NRG3: variants seen among roughly 807,000 people sequenced by gnomAD.
The protein encoded by NRG3 is pro-neuregulin-3, membrane-bound isoform.
NRG3 carries 31 observed loss-of-function variants against 66.9 expected under a neutral mutation model. The ratio of observed to expected loss-of-function variants is 0.46; its 90% CI spans 0.35 to 0.63. The LOEUF is 0.63. Among genes scored for constraint, NRG3 ranks in the 20% least tolerant of loss-of-function variants. The pLI is 0.00. For missense variants in NRG3, 910 were observed against 878.9 expected, an observed-to-expected ratio of 1.04 and a Z score of -0.45; for synonymous variants, 393 against 359.4, an observed-to-expected ratio of 1.09 and a Z score of -1.06.
intron 1 of NRG3, among the ~76,000 whole-genome samples, chr10:82,081,497 C>T (rs1180848091): frequency 6.6e-6 from 1 of 152,088 alleles, no homozygotes; most frequent in Non-Finnish European, 1.5e-5. Flanking sequence ...CAACATGTAG[C>T]AAATGCCAGA....
At chr10:82,853,963 G>A (rs1443588801) in intron 3 of NRG3, among the ~76,000 whole-genome samples, 1 of 152,068 alleles carries the variant, frequency 6.6e-6, no homozygotes. Flanking sequence ...TGACTTCGAG[G>A]TATGTCTCTT....
chr10:82,570,726 C>T (rs944650427), intron 2 of NRG3, among the ~76,000 whole-genome samples: 11 of 151,728 alleles, frequency 7.2e-5, no homozygotes, highest in South Asian at 4.1e-4. Context: ...AATCTTCTCC[C>T]GGAACGTGGT....
intron 3 of NRG3, among the ~76,000 whole-genome samples, chr10:82,755,071 T>A (rs1395837914): frequency 6.6e-6 from 1 of 152,106 alleles, no homozygotes; most frequent in East Asian, 1.9e-4. Context: ...CCTGGGATAG[T>A]GGTCAAGAGT....
chr10:82,120,632 T>C (rs1454604424), intron 1 of NRG3, among the ~76,000 whole-genome samples: 2 of 152,182 alleles, frequency 1.3e-5, no homozygotes, highest in South Asian at 2.1e-4. Flanking sequence ...GATATTTCAA[T>C]TGTACTGTCT....
rs139259663 is a variant in NRG3 at position 81,887,796 on chromosome 10, A to C, written c.823+11633A>C. 5.2e-3 allele frequency among the ~76,000 whole-genome samples: 793 copies of C among 152,218 alleles called. 6 individuals are homozygous for C. The highest frequency in any genetic ancestry group is 0.018 in the African/African-American group (757 of 41,544). On this transcript the variant is annotated intron_variant, in intron 1 of 8. Transcript: ENST00000372141. ...TATTTATATACTGTGTAACAATTAG[A>C]AGTCAAGATGGTGATTATCTTTGGG...
At position 81,875,413 on chromosome 10, in the gene NRG3, A is replaced by C; in HGVS notation, c.73A>C (p.Thr25Pro). Residue 25 changes from threonine to proline, a missense_variant, in exon 1 of 9, where the codon ACC (threonine) becomes CCC (proline). Physicochemically the swap from Thr to Pro is conservative, Grantham distance 38. Coordinates refer to ENST00000372141, the MANE Select transcript of NRG3 (RefSeq NM_001010848.4). The surrounding 1 kb of genome is among the most constrained non-coding windows in gnomAD (Gnocchi z 5.3). The part of the protein sequence containing the change: ...SAAAASAEEG[T>P]AAAAAAAAAG... ...AGCCGCCGCCTCGGCCGAGGAGGGC[A>C]CCGCGGCGGCTGCGGCGGCGGCAGC... 1 of 1,035,642 alleles carries C rather than the reference A, an allele frequency of 9.7e-7. No homozygotes were observed. Among genetic ancestry groups the C allele is most frequent in the Non-Finnish European group, 1.2e-6 (1 of 866,086 alleles). 64.2% of individuals were successfully genotyped at this position (1,035,642 alleles called of 1,614,324 possible).
At chr10:82,195,969 A>G (rs1469258709) in intron 1 of NRG3, among the ~76,000 whole-genome samples, 1 of 152,170 alleles carries the variant, frequency 6.6e-6, no homozygotes, top group African/African-American at 2.4e-5. Context: ...TTTTGATTTT[A>G]GTCCAATGAG....
intron 1 of NRG3, among the ~76,000 whole-genome samples, chr10:82,110,438 G>C (rs925510966): frequency 6.6e-6 from 1 of 152,100 alleles, no homozygotes; most frequent in Admixed American, 6.5e-5. Flanking sequence ...AATCTTATGA[G>C]AGGAATAAGA....
At chr10:82,094,433 C>T (rs973291292) in intron 1 of NRG3, among the ~76,000 whole-genome samples, 3 of 152,122 alleles carry the variant, frequency 2.0e-5, no homozygotes, top group East Asian at 1.9e-4. Flanking sequence ...AAAAGTATGA[C>T]GATTTCTCAG....
chr10:82,822,233 G>A (rs1412923), intron 3 of NRG3, among the ~76,000 whole-genome samples: 26,518 of 151,916 alleles, frequency 0.17, 2,458 homozygotes, highest in East Asian at 0.3. Context: ...ATGTGGGACC[G>A]TGCTTCAGCA....
In NRG3 at chr10:82,653,651, A is replaced by T. The variant is rs200425014; in HGVS notation, c.954-84926A>T. On this transcript the variant is annotated intron_variant, in intron 2 of 8. Transcript: ENST00000372141. The stretch of plus-strand genomic sequence containing the variant: ...ATACAACTAGTTCAGGTTTTTTTTT[A>T]AAAAAAAAAACAAAGGTGGTGGGGG... Among the ~76,000 whole-genome samples the T allele has an allele frequency of 6.8e-3, 1,013 of 149,388 alleles. 10 individuals carry two copies. Among genetic ancestry groups the T allele is most frequent in the East Asian group, 0.028 (145 of 5,136 alleles).
At chr10:82,832,063 A>G (rs342377) in intron 3 of NRG3, among the ~76,000 whole-genome samples, 28,957 of 152,108 alleles carry the variant, frequency 0.19, 2,951 homozygotes, top group East Asian at 0.32. Flanking sequence ...CTATTTTCTC[A>G]CTTTGCATCA....
At chr10:82,559,032 C>A (rs1048820599) in intron 2 of NRG3, among the ~76,000 whole-genome samples, 14 of 152,080 alleles carry the variant, frequency 9.2e-5, no homozygotes, top group African/African-American at 2.9e-4. Context: ...ATTTGTTGAA[C>A]ATACTTGCAT....
At chr10:82,716,373 C>G (rs2056974729) in intron 2 of NRG3, among the ~76,000 whole-genome samples, 1 of 152,140 alleles carries the variant, frequency 6.6e-6, no homozygotes, top group Non-Finnish European at 1.5e-5. Context: ...AATCCCCACC[C>G]ACTCACATAT....
At chr10:82,480,061 G>A (rs1191144172) in intron 2 of NRG3, among the ~76,000 whole-genome samples, 3 of 152,194 alleles carry the variant, frequency 2.0e-5, no homozygotes. Context: ...TAATGTTTTT[G>A]AGGTTCATCT....
chr10:81,897,783 G>A (rs1423831432), intron 1 of NRG3, among the ~76,000 whole-genome samples: 1 of 152,186 alleles, frequency 6.6e-6, no homozygotes, highest in African/African-American at 2.4e-5. Context: ...GGAAGTGGAT[G>A]TGGAGACCCA....
chr10:81,945,671 C>T (rs997073787), intron 1 of NRG3, among the ~76,000 whole-genome samples: 4 of 152,000 alleles, frequency 2.6e-5, no homozygotes, highest in African/African-American at 9.7e-5. Context: ...CTTTCAACCC[C>T]CCAAATTTAT....
At chr10:82,379,661 G>A (rs996597519) in intron 2 of NRG3, among the ~76,000 whole-genome samples, 1 of 152,026 alleles carries the variant, frequency 6.6e-6, no homozygotes, top group Non-Finnish European at 1.5e-5. Flanking sequence ...TGGGGAAGAA[G>A]GACTCTGGTT....
chr10:82,864,035 G>A (rs1326897057), intron 3 of NRG3, among the ~76,000 whole-genome samples: 1 of 152,108 alleles, frequency 6.6e-6, no homozygotes, highest in African/African-American at 2.4e-5. Flanking sequence ...AAATGTGAAC[G>A]GTTCATAAGG....
Sources: allele counts gnomAD v4.1 joint callset (sites outside exome capture counted in the v4.1 genomes callset), GRCh38; gene constraint gnomAD v4.1.1; non-coding constraint Gnocchi (gnomAD v3.1); transcripts MANE v1.5; gene names NCBI Gene and HGNC (gene_info 2026-07-23, HGNC 2026-07-21).